EIPR1: variants seen among roughly 807,000 people sequenced by gnomAD.
EIPR1 encodes the protein EARP complex and GARP complex interacting protein 1, also known as EARP and GARP complex-interacting protein 1.
A neutral mutation model predicts 48.1 loss-of-function variants in EIPR1; 25 were observed. The observed-to-expected ratio is 0.52, with a 90% CI of 0.38 to 0.73. The LOEUF (loss-of-function observed/expected upper bound fraction) is 0.73, where lower values mean the gene tolerates loss of function less well. Among genes scored for constraint, EIPR1 ranks in the 30% least tolerant of loss-of-function variants. EIPR1 has a pLI of 0.00. For synonymous variants in EIPR1, 204 were observed against 201.9 expected, an observed-to-expected ratio of 1.01 and a Z score of -0.09; for missense variants, 415 against 506.2, an observed-to-expected ratio of 0.82 and a Z score of 1.73.
chr2:3,356,111 G>C (rs764870346), intron 1 of EIPR1, among the ~76,000 whole-genome samples: 1 of 152,236 alleles, frequency 6.6e-6, no homozygotes, highest in Admixed American at 6.5e-5. Context: ...CAATCCAATG[G>C]GGAGCTCTGG....
intron 1 of EIPR1, among the ~76,000 whole-genome samples, chr2:3,359,501 A>G (rs574446447): frequency 2.0e-5 from 3 of 152,356 alleles, no homozygotes; most frequent in South Asian, 4.1e-4. Context: ...ATTTGAAACT[A>G]TCTTATTCAA....
chr2:3,255,590 G>A (rs1239916692), intron 4 of EIPR1, among the ~76,000 whole-genome samples: 1 of 152,216 alleles, frequency 6.6e-6, no homozygotes, highest in Non-Finnish European at 1.5e-5. Context: ...TTTGCATACA[G>A]TGTCTGCACA....
intron 4 of EIPR1, among the ~76,000 whole-genome samples, chr2:3,252,203 A>C (rs1306478098): frequency 1.3e-5 from 2 of 152,236 alleles, no homozygotes; most frequent in African/African-American, 2.4e-5. Context: ...CAAAGTCAGC[A>C]GCTTCTGCAG....
intron 3 of EIPR1, among the ~76,000 whole-genome samples, chr2:3,332,885 C>A (rs1669941028): frequency 1.3e-5 from 2 of 152,186 alleles, no homozygotes; most frequent in Non-Finnish European, 2.9e-5. Context: ...TAATCGATGG[C>A]AATCTGTCAC....
chr2:3,203,701 C>T (rs1033745382), intron 5 of EIPR1, among the ~76,000 whole-genome samples: 3 of 152,240 alleles, frequency 2.0e-5, no homozygotes, highest in African/African-American at 7.2e-5. Context: ...TGCCCCAGAG[C>T]GGCTGGCCTC....
Position 3,302,336 on chromosome 2 carries a change from T to A in EIPR1, c.259+35681A>T, listed in dbSNP as rs1668786672. Among the ~76,000 whole-genome samples the A allele has an allele frequency of 1.3e-5, 2 of 152,184 alleles. 1 individual carries two copies. The highest frequency in any genetic ancestry group is 4.2e-4 in the South Asian group (2 of 4,816). ...AGCAAGACCCTGTCTCTACAAAAAA[T>A]TTAAATGTTAACAATTAATTAAAAT... On this transcript the variant is annotated intron_variant, in intron 3 of 8. Coordinates refer to ENST00000382125, the MANE Select transcript of EIPR1 (RefSeq NM_003310.5).
chr2:3,197,974 G>C (rs1210997152), intron 5 of EIPR1, among the ~76,000 whole-genome samples: 1 of 152,188 alleles, frequency 6.6e-6, no homozygotes, highest in East Asian at 1.9e-4. Context: ...GCTGGTGCTG[G>C]AGTTTATTCA....
At chr2:3,271,243 A>T (rs1572381835) in intron 3 of EIPR1, among the ~76,000 whole-genome samples, 1 of 152,218 alleles carries the variant, frequency 6.6e-6, no homozygotes, top group South Asian at 2.1e-4. Flanking sequence ...GTCATCCACA[A>T]GGGTTAGAGT....
intron 4 of EIPR1, 58 bp downstream of exon 4, chr2:3,257,241 C>T: frequency 6.4e-7 from 1 of 1,566,472 alleles, no homozygotes; most frequent in South Asian, 1.2e-5. Context: ...TGCACAAGCT[C>T]CTGCACCTGG....
At chr2:3,347,568 T>C (rs1196203649) in intron 2 of EIPR1, among the ~76,000 whole-genome samples, 3 of 152,184 alleles carry the variant, frequency 2.0e-5, no homozygotes, top group Non-Finnish European at 4.4e-5. Flanking sequence ...CTCTTTTTCT[T>C]TCCCGTCTCG....
intron 5 of EIPR1, among the ~76,000 whole-genome samples, chr2:3,212,773 G>T (rs1665501994): frequency 6.6e-6 from 1 of 152,184 alleles, no homozygotes; most frequent in African/African-American, 2.4e-5. Context: ...TTAAAAGTTT[G>T]TGTGAAACTT....
intron 4 of EIPR1, among the ~76,000 whole-genome samples, chr2:3,230,751 A>G (rs940126649): frequency 6.6e-6 from 1 of 152,208 alleles, no homozygotes; most frequent in Non-Finnish European, 1.5e-5. Flanking sequence ...TTTCTATTAC[A>G]GTAGTCTTAT....
intron 3 of EIPR1, among the ~76,000 whole-genome samples, chr2:3,263,064 T>C (rs1202116783): frequency 1.3e-5 from 2 of 152,166 alleles, no homozygotes; most frequent in African/African-American, 4.8e-5. Context: ...GGAGAAGAGA[T>C]CTGAGCTGCT....
rs146605666 is a variant in EIPR1, at chr2:3,251,633, C to T, written c.416+5666G>A. On this transcript the variant is annotated intron_variant, in intron 4 of 8. Coordinates refer to ENST00000382125, the MANE Select transcript of EIPR1 (RefSeq NM_003310.5). Reference sequence around the variant, plus strand: ...CTCTCCCACAAGTCACTATAGCTGACGAAGAAGCAAACCAGAGGTAGAGAG... The same window carrying T: ...CTCTCCCACAAGTCACTATAGCTGATGAAGAAGCAAACCAGAGGTAGAGAG... Among the ~76,000 whole-genome samples, 337 of 152,182 alleles carry T rather than the reference C, an allele frequency of 2.2e-3. 1 individual carries two copies. Among genetic ancestry groups the T allele is most frequent in the Non-Finnish European group, 3.7e-3 (255 of 68,014 alleles).
intron 5 of EIPR1, among the ~76,000 whole-genome samples, chr2:3,212,553 T>G (rs1181157648): frequency 6.6e-6 from 1 of 152,168 alleles, no homozygotes; most frequent in Non-Finnish European, 1.5e-5. Flanking sequence ...AGTATTTTCC[T>G]CCTTCTTCCT....
intron 5 of EIPR1, chr2:3,208,380 A>T: frequency 3.7e-6 from 5 of 1,355,656 alleles, no homozygotes; most frequent in Non-Finnish European, 4.9e-6. Flanking sequence ...ATAGGGCATC[A>T]GACCTGACCC....
At chr2:3,256,741 G>A (rs145490976) in intron 4 of EIPR1, among the ~76,000 whole-genome samples, 135 of 152,324 alleles carry the variant, frequency 8.9e-4, no homozygotes, top group East Asian at 5.4e-3. Context: ...TGTGACTGCC[G>A]TGGAGAGGTC....
At chr2:3,198,025 C>G (rs1664870480) in intron 5 of EIPR1, among the ~76,000 whole-genome samples, 1 of 152,200 alleles carries the variant, frequency 6.6e-6, no homozygotes, top group African/African-American at 2.4e-5. Context: ...CTGGCCAGGG[C>G]AGGTTGGGTA....
At chr2:3,345,841 C>G (rs1670383332) in intron 2 of EIPR1, among the ~76,000 whole-genome samples, 1 of 152,092 alleles carries the variant, frequency 6.6e-6, no homozygotes, top group African/African-American at 2.4e-5. Flanking sequence ...TTCCCTAGAT[C>G]TAGCTTGGTG....
Sources: allele counts gnomAD v4.1 joint callset (sites outside exome capture counted in the v4.1 genomes callset), GRCh38; gene constraint gnomAD v4.1.1; transcripts MANE v1.5; gene names NCBI Gene and HGNC (gene_info 2026-07-23, HGNC 2026-07-21).